Variants in FNBP1L observed in about 807,000 individuals in gnomAD.
The protein encoded by FNBP1L is formin-binding protein 1-like.
Under a neutral mutation model 91.2 loss-of-function variants are expected in FNBP1L, and 36 were observed. The observed-to-expected ratio is 0.39, with a 90% CI of 0.30 to 0.52. FNBP1L has a LOEUF of 0.52. FNBP1L is among the 20% of genes least tolerant of loss of function. FNBP1L has a pLI of 0.66. For missense variants in FNBP1L, 571 were observed against 732.1 expected (o/e 0.78, Z 2.54); for synonymous variants, 242 against 237.0 (o/e 1.02, Z -0.19).
intron 1 of FNBP1L, among the ~76,000 whole-genome samples, chr1:93,498,518 G>C (rs545919733): frequency 7.9e-5 from 12 of 152,280 alleles, no homozygotes; most frequent in African/African-American, 2.9e-4. Context: ...AGAGATAAAA[G>C]GCAAAAGGAG....
chr1:93,495,564 G>C (rs1670234713), intron 1 of FNBP1L, among the ~76,000 whole-genome samples: 1 of 152,180 alleles, frequency 6.6e-6, no homozygotes, highest in African/African-American at 2.4e-5. Flanking sequence ...GCTATTTACA[G>C]TGTTTCCAAA....
intron 1 of FNBP1L, among the ~76,000 whole-genome samples, chr1:93,480,764 G>T (rs569693998): frequency 1.3e-5 from 2 of 151,802 alleles, no homozygotes; most frequent in Non-Finnish European, 2.9e-5. Flanking sequence ...GGGTTTCACC[G>T]TGTTAGCCAG....
intron 1 of FNBP1L, among the ~76,000 whole-genome samples, chr1:93,460,069 C>T (rs1490778917): frequency 6.6e-6 from 1 of 151,712 alleles, no homozygotes; most frequent in Non-Finnish European, 1.5e-5. Flanking sequence ...ATGAGCATTT[C>T]CTTTGAGCAT....
chr1:93,479,540 C>G (rs1433201008), intron 1 of FNBP1L, among the ~76,000 whole-genome samples: 1 of 152,128 alleles, frequency 6.6e-6, no homozygotes, highest in Admixed American at 6.5e-5. Flanking sequence ...CAGTCCTTAT[C>G]TCAACCACTA....
intron 1 of FNBP1L, among the ~76,000 whole-genome samples, chr1:93,459,873 C>G (rs1161842943): frequency 6.6e-6 from 1 of 151,522 alleles, no homozygotes; most frequent in African/African-American, 2.4e-5. Context: ...ATCTCTAATA[C>G]AAGAGTACAC....
Position 93,496,828 on chromosome 1 carries a change from G to A in FNBP1L, c.25-2640G>A, listed in dbSNP as rs536369693. On this transcript the variant is annotated intron_variant, in intron 1 of 16. Coordinates refer to ENST00000271234, the MANE Select transcript of FNBP1L (RefSeq NM_001164473.3). ...TTATAGGCATGAGCCACTGTACCTG[G>A]CCTAAATGTTAATTTCATCTAAAAA... is the stretch of plus-strand genomic sequence containing the variant. Among the ~76,000 whole-genome samples, 8 of 152,242 alleles carry A rather than the reference G, an allele frequency of 5.3e-5. No individual in the cohort carries two copies. In the South Asian group the frequency reaches 1.7e-3, roughly 32 times the overall value.
intron 1 of FNBP1L, among the ~76,000 whole-genome samples, chr1:93,475,805 G>A (rs1669474186): frequency 1.3e-5 from 2 of 152,112 alleles, no homozygotes; most frequent in African/African-American, 4.8e-5. Flanking sequence ...TTAAGTATTT[G>A]AATTATTCTG....
chr1:93,480,680 G>A (rs1669670782), intron 1 of FNBP1L, among the ~76,000 whole-genome samples: 2 of 151,838 alleles, frequency 1.3e-5, no homozygotes, highest in Non-Finnish European at 2.9e-5. Flanking sequence ...CCACCTCCTG[G>A]GTTCATGCCA....
At chr1:93,547,531 A>G in intron 14 of FNBP1L, 90 bp downstream of exon 14, 1 of 1,107,268 alleles carries the variant, frequency 9.0e-7, no homozygotes. Flanking sequence ...TTTTTCTTCC[A>G]AATTTAACAA....
chr1:93,552,188 G>A (rs1224468759), intron 16 of FNBP1L: 2 of 1,336,802 alleles, frequency 1.5e-6, no homozygotes, highest in East Asian at 2.8e-5. Context: ...AGTGCTGGTT[G>A]TGTGACCACA....
intron 2 of FNBP1L, among the ~76,000 whole-genome samples, chr1:93,514,771 G>T (rs1212377174): frequency 7.3e-5 from 11 of 151,660 alleles, no homozygotes; most frequent in South Asian, 2.1e-4. Context: ...ATCAATTCAA[G>T]ATGGATTAAA....
intron 1 of FNBP1L, among the ~76,000 whole-genome samples, chr1:93,481,193 T>A (rs1449098223): frequency 6.6e-6 from 1 of 152,212 alleles, no homozygotes; most frequent in African/African-American, 2.4e-5. Flanking sequence ...AACAAACTTC[T>A]TAATTTCTAT....
chr1:93,453,648 CA>C (rs1025682747), intron 1 of FNBP1L, among the ~76,000 whole-genome samples: 5 of 150,238 alleles, frequency 3.3e-5, no homozygotes, highest in South Asian at 4.2e-4. Context: ...ACTTCAATAG[CA>C]AAAAAAAATC....
At chr1:93,504,783 G>GT (rs1557796638) in intron 2 of FNBP1L, among the ~76,000 whole-genome samples, 1 of 152,016 alleles carries the variant, frequency 6.6e-6, no homozygotes, top group African/African-American at 2.4e-5. Flanking sequence ...TGAGTTACTT[G>GT]TTTTTTTGTT....
chr1:93,495,049 A>T (rs1382345586), intron 1 of FNBP1L, among the ~76,000 whole-genome samples: 18 of 152,214 alleles, frequency 1.2e-4, no homozygotes, highest in Admixed American at 1.2e-3. Flanking sequence ...TTGGGTGGGG[A>T]CACAGCCAAA....
intron 2 of FNBP1L, among the ~76,000 whole-genome samples, chr1:93,519,843 A>G (rs1671262964): frequency 6.6e-6 from 1 of 152,104 alleles, no homozygotes; most frequent in Non-Finnish European, 1.5e-5. Context: ...TGTAGTCCCA[A>G]CTACTTGGTA....
intron 1 of FNBP1L, among the ~76,000 whole-genome samples, chr1:93,493,014 G>A (rs767600696): frequency 2.6e-5 from 4 of 152,086 alleles, no homozygotes; most frequent in Admixed American, 6.6e-5. Flanking sequence ...TATTTGAAAT[G>A]GCACTTTGGG....
At chr1:93,477,683 C>A (rs950712533) in intron 1 of FNBP1L, among the ~76,000 whole-genome samples, 4 of 152,180 alleles carry the variant, frequency 2.6e-5, no homozygotes, top group African/African-American at 9.7e-5. Context: ...AGATTATTCA[C>A]TCTAAAATTG....
intron 2 of FNBP1L, among the ~76,000 whole-genome samples, chr1:93,512,920 A>G (rs1356113052): frequency 1.3e-5 from 2 of 151,948 alleles, no homozygotes; most frequent in Non-Finnish European, 1.5e-5. Flanking sequence ...AATAACTGAA[A>G]TCAGAGCAGA....
Sources: gnomAD v4.1 joint callset for allele counts (sites outside exome capture counted in the v4.1 genomes callset) on GRCh38, gnomAD v4.1.1 for gene constraint, MANE v1.5 for transcripts, NCBI Gene and HGNC (gene_info 2026-07-23, HGNC 2026-07-21) for gene names.